PACSIN2: variants seen among roughly 807,000 people sequenced by gnomAD.
PACSIN2 encodes the protein protein kinase C and casein kinase substrate in neurons protein 2.
PACSIN2 carries 25 observed loss-of-function variants against 63.8 expected under a neutral mutation model. The ratio of observed to expected loss-of-function variants is 0.39; its 90% CI spans 0.29 to 0.55. PACSIN2 has a LOEUF of 0.55. Among genes scored for constraint, PACSIN2 ranks in the 20% least tolerant of loss-of-function variants. The pLI is 0.62. For synonymous variants in PACSIN2, 255 were observed against 256.2 expected (o/e 1.00, Z 0.05); for missense variants, 518 against 646.9 (o/e 0.80, Z 2.16).
chr22:42,876,811 T>G, intron 9 of PACSIN2, 77 bp downstream of exon 9: 2 of 1,579,038 alleles, frequency 1.3e-6, no homozygotes, highest in Non-Finnish European at 1.7e-6. Context: ...TGCCGAGGGG[T>G]GAGACCCCTG....
intron 1 of PACSIN2, among the ~76,000 whole-genome samples, chr22:42,920,256 G>A (rs953061744): frequency 3.9e-5 from 6 of 152,222 alleles, no homozygotes; most frequent in African/African-American, 1.4e-4. Context: ...ACACACTCCA[G>A]ACCTGAACTC....
chr22:42,970,991 G>A (rs1291015156), intron 1 of PACSIN2, among the ~76,000 whole-genome samples: 1 of 152,104 alleles, frequency 6.6e-6, no homozygotes, highest in East Asian at 1.9e-4. Flanking sequence ...GCCTACCCCT[G>A]CACCACCTCT....
chr22:42,938,095 G>A (rs1182754175), intron 1 of PACSIN2, among the ~76,000 whole-genome samples: 12 of 152,082 alleles, frequency 7.9e-5, no homozygotes, highest in Non-Finnish European at 1.8e-4. Context: ...CATTTAAGTC[G>A]AGCAAAATTT....
chr22:42,929,158 C>T (rs1932715023), intron 1 of PACSIN2, among the ~76,000 whole-genome samples: 1 of 152,216 alleles, frequency 6.6e-6, no homozygotes, highest in African/African-American at 2.4e-5. Flanking sequence ...CTCACCAGGA[C>T]CCCAATGTCC....
At chr22:42,896,485 T>C (rs1930297106) in intron 2 of PACSIN2, among the ~76,000 whole-genome samples, 1 of 152,122 alleles carries the variant, frequency 6.6e-6, no homozygotes, top group Non-Finnish European at 1.5e-5. Flanking sequence ...CTAAGTAGTA[T>C]TCGATTGGGT....
intron 1 of PACSIN2, among the ~76,000 whole-genome samples, chr22:42,958,557 T>A (rs1484668168): frequency 6.6e-6 from 1 of 152,182 alleles, no homozygotes; most frequent in African/African-American, 2.4e-5. Context: ...GATGTTTTAC[T>A]GACAAGAAGG....
At chr22:42,985,937 T>C (rs1004135436) in intron 1 of PACSIN2, among the ~76,000 whole-genome samples, 2 of 140,302 alleles carry the variant, frequency 1.4e-5, no homozygotes, top group African/African-American at 5.1e-5. Flanking sequence ...AGGGCCACTA[T>C]AGAGCCACCG....
chr22:42,995,958 C>T (rs762992837), intron 1 of PACSIN2, among the ~76,000 whole-genome samples: 5 of 152,092 alleles, frequency 3.3e-5, no homozygotes, highest in African/African-American at 1.2e-4. Context: ...TGGTGGCTCA[C>T]GTCTGTAATC....
chr22:42,903,320 G>C (rs1930834873), intron 2 of PACSIN2, among the ~76,000 whole-genome samples: 1 of 152,212 alleles, frequency 6.6e-6, no homozygotes, highest in Non-Finnish European at 1.5e-5. Context: ...TCCCCATGGT[G>C]ACAGCTTCAG....
At chr22:42,918,235 A>G (rs181272597) in intron 1 of PACSIN2, among the ~76,000 whole-genome samples, 99 of 152,206 alleles carry the variant, frequency 6.5e-4, no homozygotes, top group Non-Finnish European at 7.6e-4. Flanking sequence ...AGGAGCTAGA[A>G]GAGCTGCCTC....
At chr22:42,910,909 A>ATT (rs67845012) in intron 2 of PACSIN2, among the ~76,000 whole-genome samples, 29,545 of 146,874 alleles carry the variant, frequency 0.2, 4,865 homozygotes, top group East Asian at 0.72. Flanking sequence ...TTAACACATA[A>ATT]TTTTTTTTTT....
In PACSIN2 at chr22:42,971,605, T is replaced by A. The variant is rs191577046; in HGVS notation, c.-78+43416A>T. On this transcript the variant is annotated intron_variant, in intron 1 of 10. Transcript: ENST00000263246. The stretch of plus-strand genomic sequence containing the variant: ...CACCCAGTCTGGGAAGTGAGGAGTG[T>A]CTCTGCCCAACCGCCACCATGTCTG... Among the ~76,000 whole-genome samples the A allele has an allele frequency of 6.3e-3, 895 of 142,886 alleles. 11 individuals are homozygous for A. The highest frequency in any genetic ancestry group is 0.023 in the African/African-American group (858 of 37,448). 93.7% of individuals were successfully genotyped at this position (142,886 alleles called of 152,430 possible). A position where few individuals can be genotyped will look rare whatever the true frequency, so the allele number is the denominator to read the frequency against.
intron 2 of PACSIN2, among the ~76,000 whole-genome samples, chr22:42,895,383 C>T (rs1474296203): frequency 6.6e-6 from 1 of 152,170 alleles, no homozygotes; most frequent in Non-Finnish European, 1.5e-5. Flanking sequence ...CCTAACTTAG[C>T]CTTGACAGTC....
chr22:42,882,454 G>C, intron 6 of PACSIN2, 150 bp from the exon 7 acceptor site: 1 of 862,898 alleles, frequency 1.2e-6, no homozygotes, highest in East Asian at 2.5e-5. Flanking sequence ...CTTGGCTCAG[G>C]TGGAAGGTCA....
intron 7 of PACSIN2, among the ~76,000 whole-genome samples, chr22:42,881,879 C>T (rs997195296): frequency 3.9e-5 from 6 of 152,034 alleles, no homozygotes; most frequent in African/African-American, 7.2e-5. Flanking sequence ...TGTGTGCCTA[C>T]GGCTCCTGAG....
At chr22:42,981,871 T>G (rs1490207141) in intron 1 of PACSIN2, among the ~76,000 whole-genome samples, 4 of 74,008 alleles carry the variant, frequency 5.4e-5, no homozygotes, top group African/African-American at 1.1e-4. Context: ...GGGAGGGAGG[T>G]GGGGGGATCA....
At chr22:42,900,686 C>G (rs1930625142) in intron 2 of PACSIN2, among the ~76,000 whole-genome samples, 1 of 152,130 alleles carries the variant, frequency 6.6e-6, no homozygotes, top group African/African-American at 2.4e-5. Flanking sequence ...GTTGCCAGGG[C>G]TGATTTCAAA....
At chr22:42,953,276 A>G (rs537994598) in intron 1 of PACSIN2, among the ~76,000 whole-genome samples, 1 of 152,324 alleles carries the variant, frequency 6.6e-6, no homozygotes, top group African/African-American at 2.4e-5. Flanking sequence ...GCAGGCTGAG[A>G]ATTTAATTTC....
chr22:43,012,308 A>G (rs1924554739), intron 1 of PACSIN2, among the ~76,000 whole-genome samples: 1 of 54,242 alleles, frequency 1.8e-5, no homozygotes, highest in South Asian at 6.8e-4. Context: ...ACTCTCTCTC[A>G]AAAAAAAAAA....
Sources: allele counts gnomAD v4.1 joint callset (sites outside exome capture counted in the v4.1 genomes callset), GRCh38; gene constraint gnomAD v4.1.1; transcripts MANE v1.5; gene names NCBI Gene and HGNC (gene_info 2026-07-23, HGNC 2026-07-21).